Variants in GRAMD1B observed in about 807,000 individuals in gnomAD.
GRAMD1B encodes the protein GRAM domain containing 1B, also known as protein Aster-B.
Under a neutral mutation model 99.7 loss-of-function variants are expected in GRAMD1B, and 37 were observed. The observed-to-expected ratio is 0.37, with a 90% CI of 0.29 to 0.49. The LOEUF (loss-of-function observed/expected upper bound fraction) is 0.49. Among genes scored for constraint, GRAMD1B ranks in the 20% least tolerant of loss-of-function variants. The pLI is 0.98. For synonymous variants in GRAMD1B, 427 were observed against 387.6 expected, an observed-to-expected ratio of 1.10 and a Z score of -1.19; for missense variants, 888 against 1,009.2, an observed-to-expected ratio of 0.88 and a Z score of 1.63.
At chr11:123,364,091 T>C (rs931264097) in intron 1 of GRAMD1B, among the ~76,000 whole-genome samples, 3 of 152,210 alleles carry the variant, frequency 2.0e-5, no homozygotes, top group Non-Finnish European at 2.9e-5. Flanking sequence ...ATGGGCTCTT[T>C]TTCCTTATAT....
At chr11:123,387,421 T>C (rs1212298666) in intron 1 of GRAMD1B, among the ~76,000 whole-genome samples, 1 of 152,082 alleles carries the variant, frequency 6.6e-6, no homozygotes, top group Non-Finnish European at 1.5e-5. Flanking sequence ...AGACTGTATT[T>C]AGAAGGAATG....
chr11:123,451,174 A>G (rs1419262984), intron 1 of GRAMD1B, among the ~76,000 whole-genome samples: 3 of 152,132 alleles, frequency 2.0e-5, no homozygotes, highest in African/African-American at 7.2e-5. Context: ...TTTCAAAACA[A>G]TTTACCAGGC....
In GRAMD1B at chr11:123,577,498, A is replaced by G. The variant is rs1592094665; in HGVS notation, c.584A>G (p.Lys195Arg). Reference protein sequence around the residue: ...VEKGSDHSSDKSPSTPEQGVQ... With the variant: ...VEKGSDHSSDRSPSTPEQGVQ... Reference sequence around the variant, plus strand: ...AAGGGCTCAGATCACTCCTCGGACAAGTCCCCGTCCACACCGGAGCAGGGC... The same window carrying G: ...AAGGGCTCAGATCACTCCTCGGACAGGTCCCCGTCCACACCGGAGCAGGGC... Residue 195 changes from lysine to arginine, a missense_variant, in exon 3 of 20, where the codon AAG becomes AGG. This residue lies in a region of GRAMD1B where 233 missense variants were observed against 154.6 expected (regional missense o/e 1.51). Coordinates refer to ENST00000635736, the MANE Select transcript of GRAMD1B (RefSeq NM_001387025.1). 4 of 1,602,992 alleles carry G rather than the reference A, an allele frequency of 2.5e-6. No individual in the cohort carries two copies. In the African/African-American group the frequency reaches 4.0e-5, roughly 16 times the overall value.
chr11:123,544,964 T>A (rs928110920), intron 2 of GRAMD1B, among the ~76,000 whole-genome samples: 2 of 152,222 alleles, frequency 1.3e-5, no homozygotes, highest in Admixed American at 1.3e-4. Flanking sequence ...GCCTAGTCTC[T>A]TTTTCTTTCC....
chr11:123,448,367 G>GTA (rs917199582), intron 1 of GRAMD1B, among the ~76,000 whole-genome samples: 86 of 151,934 alleles, frequency 5.7e-4, no homozygotes, highest in African/African-American at 1.9e-3. Flanking sequence ...ATTCTCGTGT[G>GTA]TGCCACCACA....
intron 2 of GRAMD1B, among the ~76,000 whole-genome samples, chr11:123,528,302 T>C (rs1943006604): frequency 6.6e-6 from 1 of 152,208 alleles, no homozygotes; most frequent in South Asian, 2.1e-4. Flanking sequence ...ACTGTCTACA[T>C]ATGGAAGAGA....
intron 17 of GRAMD1B, 46 bp from the exon 18 acceptor site, chr11:123,618,647 G>C: frequency 9.3e-7 from 1 of 1,069,786 alleles, no homozygotes; most frequent in Admixed American, 1.9e-5. Context: ...CTAGGCTCAG[G>C]TGACATCTCA....
intron 2 of GRAMD1B, among the ~76,000 whole-genome samples, chr11:123,574,076 T>TA (rs5795381): frequency 0.14 from 17,360 of 125,666 alleles, 2,252 homozygotes; most frequent in African/African-American, 0.36. Context: ...TGAACAGAAT[T>TA]AAAAAAAAAA....
chr11:123,607,058 C>T (rs1010285840), intron 11 of GRAMD1B, among the ~76,000 whole-genome samples: 1 of 152,120 alleles, frequency 6.6e-6, no homozygotes, highest in Admixed American at 6.5e-5. Flanking sequence ...GCTTGCCTTG[C>T]GACCCTGACC....
intron 17 of GRAMD1B, chr11:123,618,321 AT>A: frequency 6.2e-7 from 1 of 1,609,230 alleles, no homozygotes; most frequent in Non-Finnish European, 8.5e-7. Flanking sequence ...CCTCCTCCCC[AT>A]TTTTCTTCCT....
chr11:123,419,132 C>T (rs754715486), intron 1 of GRAMD1B, among the ~76,000 whole-genome samples: 4 of 152,134 alleles, frequency 2.6e-5, no homozygotes, highest in Non-Finnish European at 5.9e-5. Context: ...AAGGAAAAGA[C>T]ATCATAAAAG....
At chr11:123,390,039 G>A (rs1236352493) in intron 1 of GRAMD1B, among the ~76,000 whole-genome samples, 1 of 151,692 alleles carries the variant, frequency 6.6e-6, no homozygotes, top group Non-Finnish European at 1.5e-5. Flanking sequence ...TTACAGGTGT[G>A]AGCCACTGCA....
At chr11:123,589,542 C>T (rs865918793) in intron 4 of GRAMD1B, among the ~76,000 whole-genome samples, 10 of 151,078 alleles carry the variant, frequency 6.6e-5, no homozygotes, top group South Asian at 2.1e-4. Context: ...CTCTGAGGTT[C>T]GAGCAATTCT....
At chr11:123,373,071 A>G (rs1946580045) in intron 1 of GRAMD1B, among the ~76,000 whole-genome samples, 1 of 152,176 alleles carries the variant, frequency 6.6e-6, no homozygotes, top group South Asian at 2.1e-4. Flanking sequence ...TCCAGGAGGC[A>G]GAGGTTGTGG....
chr11:123,608,599 C>T (rs1484602707), intron 11 of GRAMD1B, 60 bp from the exon 12 acceptor site: 2 of 1,556,474 alleles, frequency 1.3e-6, no homozygotes, highest in South Asian at 1.2e-5. Flanking sequence ...GGAGGATGTC[C>T]CTGGGGCCCC....
chr11:123,608,791 G>C lies in GRAMD1B; in HGVS notation c.1646G>C (p.Arg549Pro). 1 of 1,548,622 alleles carries C rather than the reference G, an allele frequency of 6.5e-7. No individual in the cohort carries two copies. ...SPFQRDFMEQ[R>P]RFSDIIFHPW... is the part of the protein sequence containing the mutation. ...TTCCAGCGGGATTTCATGGAGCAGC[G>C]GCGCTTCTCTGGTCCGTTCTGCTGG... Residue 549 changes from arginine (R) to proline (P), a missense_variant, in exon 12 of 20, where the codon CGG (arginine) becomes CCG (proline). Arg to Pro is a moderately radical substitution (Grantham distance 103). This residue lies in a region of GRAMD1B where 269 missense variants were observed against 296.6 expected (regional missense o/e 0.91). Transcript: ENST00000635736.
chr11:123,366,726 C>G (rs557777769), intron 1 of GRAMD1B, among the ~76,000 whole-genome samples: 9 of 152,198 alleles, frequency 5.9e-5, no homozygotes, highest in Non-Finnish European at 1.3e-4. Context: ...GGATTGAAAT[C>G]TAGGTTTTTC....
chr11:123,608,475 AAG>A (rs1953043074), intron 11 of GRAMD1B, 182 bp from the exon 12 acceptor site: 1 of 1,520,874 alleles, frequency 6.6e-7, no homozygotes, highest in African/African-American at 1.4e-5. Flanking sequence ...CAGCAAAAGA[AAG>A]AGACCGAAAG....
At chr11:123,473,284 G>A (rs1220570493) in intron 1 of GRAMD1B, among the ~76,000 whole-genome samples, 3 of 152,030 alleles carry the variant, frequency 2.0e-5, no homozygotes, top group Admixed American at 1.3e-4. Context: ...GGCTGGTCTC[G>A]AACTCCTGAC....
Sources: gnomAD v4.1 joint callset for allele counts (sites outside exome capture counted in the v4.1 genomes callset) on GRCh38, gnomAD v4.1.1 for gene constraint, gnomAD v4.1.1 regional missense constraint, MANE v1.5 for transcripts, NCBI Gene and HGNC (gene_info 2026-07-23, HGNC 2026-07-21) for gene names.